The following CSMD1 variants were observed in gnomAD, a reference collection of about 807,000 sequenced individuals.
The protein encoded by CSMD1 is CUB and sushi domain-containing protein 1.
A neutral mutation model predicts 417.5 loss-of-function variants in CSMD1; 213 were observed. The observed-to-expected ratio is 0.51, with a 90% CI of 0.46 to 0.57. CSMD1 has a LOEUF of 0.57. Among genes scored for constraint, CSMD1 ranks in the 20% least tolerant of loss-of-function variants. The pLI is 0.00. For synonymous variants in CSMD1, 2,862 were observed against 1,736.8 expected, an observed-to-expected ratio of 1.65 and a Z score of -16.11; for missense variants, 6,923 against 4,529.7, an observed-to-expected ratio of 1.53 and a Z score of -15.17.
In CSMD1 at chr8:2,936,909, C is replaced by T. The variant is rs1370522540; in HGVS notation, c.*1676G>A. The T allele has an allele frequency of 6.6e-6, 1 of 152,122 alleles. No homozygotes were observed. The highest frequency in any genetic ancestry group is 2.4e-5 in the African/African-American group (1 of 41,416). 9.4% of individuals were successfully genotyped at this position (152,122 alleles called of 1,614,324 possible). ...TGTGTTCACTCCGACAACGTGAAGGCCAATTTGAACATTCTGACATTTCTA... is the reference window on the plus strand; with the variant it reads ...TGTGTTCACTCCGACAACGTGAAGGTCAATTTGAACATTCTGACATTTCTA... On this transcript the variant is annotated 3_prime_UTR_variant, in exon 70 of 70. Coordinates refer to ENST00000635120, the MANE Select transcript of CSMD1 (RefSeq NM_033225.6).
intron 5 of CSMD1, among the ~76,000 whole-genome samples, chr8:3,763,110 T>C (rs189171352): frequency 4.5e-4 from 69 of 152,294 alleles, no homozygotes; most frequent in Non-Finnish European, 6.3e-4. Flanking sequence ...GTGCTGGGCA[T>C]GTGGTAGGCA....
intron 3 of CSMD1, among the ~76,000 whole-genome samples, chr8:4,290,978 C>T (rs1173058247): frequency 6.6e-6 from 1 of 152,088 alleles, no homozygotes; most frequent in African/African-American, 2.4e-5. Context: ...ATTTCATCTC[C>T]CTAAATTGTA....
chr8:4,113,367 G>A (rs903615605), intron 3 of CSMD1, among the ~76,000 whole-genome samples: 4 of 117,614 alleles, frequency 3.4e-5, no homozygotes, highest in African/African-American at 1.3e-4. Flanking sequence ...CAAATAAAAT[G>A]TTCTTCAAGG....
intron 3 of CSMD1, among the ~76,000 whole-genome samples, chr8:4,036,772 G>A (rs543413409): frequency 2.6e-5 from 4 of 152,298 alleles, no homozygotes; most frequent in South Asian, 2.1e-4. Context: ...TAGCACTGTT[G>A]GCAGCACCAC....
At chr8:4,557,083 T>C (rs1182674022) in intron 2 of CSMD1, among the ~76,000 whole-genome samples, 1 of 152,214 alleles carries the variant, frequency 6.6e-6, no homozygotes, top group Non-Finnish European at 1.5e-5. Flanking sequence ...AAACATACTT[T>C]ATAAAATGCT....
At chr8:4,594,499 C>A (rs1490944953) in intron 2 of CSMD1, among the ~76,000 whole-genome samples, 1 of 152,078 alleles carries the variant, frequency 6.6e-6, no homozygotes. Flanking sequence ...CACACCCACC[C>A]TGAAATGATC....
intron 10 of CSMD1, among the ~76,000 whole-genome samples, chr8:3,554,646 T>A (rs935979088): frequency 3.9e-5 from 6 of 152,236 alleles, no homozygotes; most frequent in African/African-American, 1.2e-4. Flanking sequence ...AGCCCATGAA[T>A]GGCAGCACCT....
chr8:4,015,522 G>T (rs1027422216), intron 4 of CSMD1, among the ~76,000 whole-genome samples: 2 of 151,788 alleles, frequency 1.3e-5, no homozygotes, highest in South Asian at 2.1e-4. Flanking sequence ...AGCAACAATG[G>T]GCCTACACTA....
At chr8:3,812,659 A>C (rs1801150359) in intron 5 of CSMD1, among the ~76,000 whole-genome samples, 1 of 152,186 alleles carries the variant, frequency 6.6e-6, no homozygotes, top group Admixed American at 6.5e-5. Context: ...AGTAAAGAGG[A>C]ATTAAGGAAG....
chr8:2,996,841 G>C (rs920332872), intron 54 of CSMD1, among the ~76,000 whole-genome samples: 1 of 152,188 alleles, frequency 6.6e-6, no homozygotes, highest in Non-Finnish European at 1.5e-5. Context: ...CAAATACAAT[G>C]AAAGAAGAAG....
At chr8:3,707,634 C>T (rs1801247251) in intron 7 of CSMD1, among the ~76,000 whole-genome samples, 1 of 152,094 alleles carries the variant, frequency 6.6e-6, no homozygotes, top group Admixed American at 6.5e-5. Flanking sequence ...TGTGTAAGGT[C>T]GTGTGGGGAG....
At chr8:3,811,158 C>G (rs1157464710) in intron 5 of CSMD1, among the ~76,000 whole-genome samples, 2 of 152,122 alleles carry the variant, frequency 1.3e-5, no homozygotes, top group African/African-American at 4.8e-5. Context: ...AAATATCCAA[C>G]AGGACTGTGA....
chr8:3,567,831 T>C (rs997008584), intron 10 of CSMD1, among the ~76,000 whole-genome samples: 4 of 152,170 alleles, frequency 2.6e-5, no homozygotes, highest in Non-Finnish European at 5.9e-5. Flanking sequence ...CTATTTGCTG[T>C]ATTAAATGAT....
At chr8:3,838,779 AATTG>A (rs1316192499) in intron 5 of CSMD1, among the ~76,000 whole-genome samples, 1 of 109,528 alleles carries the variant, frequency 9.1e-6, no homozygotes, top group Non-Finnish European at 1.7e-5. Context: ...ATATATAATA[AATTG>A]ATATTATATA....
intron 11 of CSMD1, among the ~76,000 whole-genome samples, chr8:3,489,762 C>T (rs577242539): frequency 4.6e-5 from 7 of 152,208 alleles, no homozygotes; most frequent in Admixed American, 3.3e-4. Context: ...TTAGGGTGAG[C>T]TATATAGTTT....
chr8:4,919,252 T>C (rs1419507769), intron 1 of CSMD1, among the ~76,000 whole-genome samples: 1 of 152,198 alleles, frequency 6.6e-6, no homozygotes, highest in Non-Finnish European at 1.5e-5. Context: ...AATAATCTCT[T>C]GCCCAAAGGG....
chr8:4,017,764 T>C (rs1453180152), intron 4 of CSMD1, among the ~76,000 whole-genome samples: 1 of 152,160 alleles, frequency 6.6e-6, no homozygotes, highest in Non-Finnish European at 1.5e-5. Context: ...ACTTCCTAAA[T>C]AAATGAAGAG....
At chr8:4,013,461 G>A (rs1467297757) in intron 4 of CSMD1, among the ~76,000 whole-genome samples, 2 of 152,090 alleles carry the variant, frequency 1.3e-5, no homozygotes, top group African/African-American at 4.8e-5. Flanking sequence ...GGGTTTCCAG[G>A]ACATGGGATC....
At chr8:3,294,565 C>G (rs1238233509) in intron 25 of CSMD1, among the ~76,000 whole-genome samples, 1 of 109,476 alleles carries the variant, frequency 9.1e-6, no homozygotes, top group African/African-American at 2.6e-5. Flanking sequence ...GCAGTTTGAT[C>G]TGACTGCTGT....
Sources: allele counts gnomAD v4.1 joint callset (sites outside exome capture counted in the v4.1 genomes callset), GRCh38; gene constraint gnomAD v4.1.1; transcripts MANE v1.5; gene names NCBI Gene and HGNC (gene_info 2026-07-23, HGNC 2026-07-21).